PLAA: variants seen among roughly 807,000 people sequenced by gnomAD.
PLAA encodes the protein phospholipase A2 activating protein.
In PLAA, 48 loss-of-function variants were observed where a neutral mutation model predicts 84.1. The observed-to-expected ratio is 0.57, with a 90% CI of 0.45 to 0.73. The LOEUF (loss-of-function observed/expected upper bound fraction) is 0.73, where lower values mean the gene tolerates loss of function less well. Among genes scored for constraint, PLAA ranks in the 30% least tolerant of loss-of-function variants. The probability of loss-of-function intolerance (pLI) is 0.00; values close to 1 mark genes in which losing one functional copy is unlikely to be tolerated. For synonymous variants in PLAA, 392 were observed against 336.6 expected (o/e 1.16, Z -1.80); for missense variants, 903 against 954.7 (o/e 0.95, Z 0.71).
At chr9:26,935,357 C>G (rs956582892) in intron 1 of PLAA, 151 bp from the exon 2 acceptor site, 13 of 473,210 alleles carry the variant, frequency 2.7e-5, no homozygotes, top group Non-Finnish European at 4.3e-5. Flanking sequence ...TTGAACCTTA[C>G]ATAATTCATA....
Position 26,935,187 on chromosome 9 carries a change from C to A in PLAA, c.169G>T (p.Glu57Ter). Residue 57 changes from glutamate (E) to a stop codon, truncating the protein, a stop_gained, in exon 2 of 14, where the codon GAA becomes TAA. Coordinates refer to ENST00000397292, the MANE Select transcript of PLAA (RefSeq NM_001031689.3). LOFTEE classifies it high-confidence loss of function. Reference protein sequence around the residue: ...APDSPNRSFTEMHCMSGHSNF... With the variant: ...APDSPNRSFT Reference sequence around the variant, plus strand: ...GAATGGCCACTCATACAGTGCATTTCTGTAAAGCTCCTGTTTGGACTGGAA... The same window carrying A: ...GAATGGCCACTCATACAGTGCATTTATGTAAAGCTCCTGTTTGGACTGGAA... 2 of 1,573,128 alleles carry A rather than the reference C, an allele frequency of 1.3e-6. No individual in the cohort carries two copies. Among genetic ancestry groups the A allele is most frequent in the South Asian group, 2.4e-5 (2 of 82,538 alleles).
intron 2 of PLAA, among the ~76,000 whole-genome samples, chr9:26,931,420 A>T (rs1182303958): frequency 6.6e-6 from 1 of 152,220 alleles, no homozygotes. Flanking sequence ...AATTACCATT[A>T]TGTGAAAGGC....
Position 26,929,619 on chromosome 9 carries a change from C to G in PLAA, c.344-1211G>C, listed in dbSNP as rs146399565. 1.8e-3 allele frequency among the ~76,000 whole-genome samples: 278 copies of G among 152,310 alleles called. 1 individual carries two copies. Among genetic ancestry groups the G allele is most frequent in the African/African-American group, 6.2e-3 (256 of 41,568 alleles). On this transcript the variant is annotated intron_variant, in intron 2 of 13. Coordinates refer to ENST00000397292, the MANE Select transcript of PLAA (RefSeq NM_001031689.3). Reference sequence around the variant, plus strand: ...ATCACAAAAGTCTCTCTACCCTGAGCTGAGGATCCTTGAGACAGCTACTTA... The same window carrying G: ...ATCACAAAAGTCTCTCTACCCTGAGGTGAGGATCCTTGAGACAGCTACTTA...
intron 10 of PLAA, 34 bp downstream of exon 10, chr9:26,917,063 G>A: frequency 1.3e-6 from 2 of 1,554,718 alleles, no homozygotes; most frequent in Non-Finnish European, 1.8e-6. Context: ...TACATTTAGT[G>A]AAGAAAGATA....
intron 1 of PLAA, among the ~76,000 whole-genome samples, chr9:26,936,060 C>A (rs1338646338): frequency 6.6e-6 from 1 of 151,880 alleles, no homozygotes; most frequent in Non-Finnish European, 1.5e-5. Flanking sequence ...AGAATTATAT[C>A]CCTGACTCAG....
Position 26,908,167 on chromosome 9 carries a change from CTT to C in PLAA, c.1658-171_1658-170del, listed in dbSNP as rs375603485. 6.2e-3 allele frequency among the ~76,000 whole-genome samples: 837 copies of C among 134,972 alleles called. 9 individuals carry two copies. Among genetic ancestry groups the C allele is most frequent in the African/African-American group, 0.021 (746 of 36,230 alleles). The allele number at this position is 134,972 out of a possible 152,430, so 88.5% of individuals were successfully genotyped here. ...TAAGGATAAGGCTTATGAGCTTTGT[CTT>C]TTTTTTTTTTTTTTTTGAGATGGAG... On this transcript the variant is annotated intron_variant, in intron 12 of 13. Transcript: ENST00000397292.
At chr9:26,944,919 G>C (rs1825642161) in intron 1 of PLAA, among the ~76,000 whole-genome samples, 1 of 152,198 alleles carries the variant, frequency 6.6e-6, no homozygotes, top group South Asian at 2.1e-4. Context: ...CCTGAGGTCA[G>C]GAGTTCAAGA....
chr9:26,914,307 G>C (rs1209726077), intron 10 of PLAA, among the ~76,000 whole-genome samples: 2 of 152,086 alleles, frequency 1.3e-5, no homozygotes, highest in Non-Finnish European at 2.9e-5. Flanking sequence ...AAAGACTCAG[G>C]TAAGAGTTAG....
In PLAA at chr9:26,927,127, CTTTTT is replaced by C. The variant is rs10672584; in HGVS notation, c.566-572_566-568del. Among the ~76,000 whole-genome samples, 281 of 136,776 alleles carry C rather than the reference CTTTTT, an allele frequency of 2.1e-3. 2 individuals are homozygous for C. Among genetic ancestry groups the C allele is most frequent in the Middle Eastern group, 3.8e-3 (1 of 262 alleles). 89.7% of individuals were successfully genotyped at this position (136,776 alleles called of 152,430 possible). A position where few individuals can be genotyped will look rare whatever the true frequency, so the allele number is the denominator to read the frequency against. On this transcript the variant is annotated intron_variant, in intron 4 of 13. Coordinates refer to ENST00000397292, the MANE Select transcript of PLAA (RefSeq NM_001031689.3). ...ATCAAAAGATACTTTTTTTGTTTTT[CTTTTT>C]TTTTTTGAGATGGAGTCTCACTTTG...
At chr9:26,920,447 A>G (rs1824725086) in intron 7 of PLAA, 63 bp from the exon 8 acceptor site, 5 of 1,099,582 alleles carry the variant, frequency 4.5e-6, no homozygotes, top group Admixed American at 2.3e-5. Context: ...AAACATTTAA[A>G]TAGAAAATTC....
Position 26,905,396 on chromosome 9 carries a change from T to G in PLAA, c.*115A>C. 1 of 832,616 alleles carries G rather than the reference T, an allele frequency of 1.2e-6. No individual in the cohort carries two copies. The highest frequency in any genetic ancestry group is 2.8e-5 in the Admixed American group (1 of 35,244). 51.6% of individuals were successfully genotyped at this position (832,616 alleles called of 1,614,324 possible). ...CCCCTCCCCACCACTTTACAAGATG[T>G]AAAATTTTACTTAATCCACCGTATT... On this transcript the variant is annotated 3_prime_UTR_variant, in exon 14 of 14. Transcript: ENST00000397292.
chr9:26,929,230 G>A (rs968793739), intron 2 of PLAA, among the ~76,000 whole-genome samples: 5 of 151,770 alleles, frequency 3.3e-5, no homozygotes, highest in African/African-American at 1.2e-4. Flanking sequence ...AGAAAAATTA[G>A]CCAGGTGGAG....
At chr9:26,923,957 A>T (rs1824854719) in intron 6 of PLAA, among the ~76,000 whole-genome samples, 2 of 152,198 alleles carry the variant, frequency 1.3e-5, no homozygotes, top group Admixed American at 6.5e-5. Flanking sequence ...ATTCTACAGG[A>T]AACCTGTTTC....
At chr9:26,930,602 A>G (rs1344209180) in intron 2 of PLAA, among the ~76,000 whole-genome samples, 1 of 140,404 alleles carries the variant, frequency 7.1e-6, no homozygotes, top group Admixed American at 7.2e-5. Flanking sequence ...TTTTTTTGAG[A>G]TGGGAGTTTT....
intron 2 of PLAA, among the ~76,000 whole-genome samples, chr9:26,930,249 C>A (rs996438962): frequency 3.3e-5 from 5 of 151,910 alleles, no homozygotes; most frequent in African/African-American, 1.2e-4. Flanking sequence ...GGACCACAGG[C>A]GCCCGCCACC....
At chr9:26,934,873 C>T in intron 2 of PLAA, 140 bp downstream of exon 2, 1 of 621,502 alleles carries the variant, frequency 1.6e-6, no homozygotes, top group South Asian at 2.4e-5. Context: ...ACTAAGATAG[C>T]CCAAAAGCGT....
intron 10 of PLAA, among the ~76,000 whole-genome samples, chr9:26,914,394 G>A (rs555553916): frequency 7.2e-5 from 11 of 152,104 alleles, no homozygotes; most frequent in Admixed American, 2.6e-4. Flanking sequence ...TAGAAAGAAG[G>A]AAACTTAAAG....
At chr9:26,930,013 TG>T (rs1353705551) in intron 2 of PLAA, among the ~76,000 whole-genome samples, 33 of 152,142 alleles carry the variant, frequency 2.2e-4, no homozygotes, top group African/African-American at 8.0e-4. Flanking sequence ...ATGTTTTTGG[TG>T]TTTTTTTAAA....
intron 6 of PLAA, 114 bp from the exon 7 acceptor site, chr9:26,923,461 G>C: frequency 1.3e-6 from 1 of 788,298 alleles, no homozygotes; most frequent in Non-Finnish European, 2.0e-6. Context: ...AGAAATATTA[G>C]CATGTTATTA....
Sources: gnomAD v4.1 joint callset for allele counts (sites outside exome capture counted in the v4.1 genomes callset) on GRCh38, gnomAD v4.1.1 for gene constraint, MANE v1.5 for transcripts, NCBI Gene and HGNC (gene_info 2026-07-23, HGNC 2026-07-21) for gene names.